SETD9: variants seen among roughly 807,000 people sequenced by gnomAD.
The protein encoded by SETD9 is SET domain-containing protein 9.
A neutral mutation model predicts 36.4 loss-of-function variants in SETD9; 37 were observed. That is an observed-to-expected ratio of 1.02 (90% CI 0.78 to 1.34). The LOEUF (loss-of-function observed/expected upper bound fraction) is 1.34, where lower values mean the gene tolerates loss of function less well. SETD9 is among the 40% of genes most tolerant of loss of function. The probability of loss-of-function intolerance (pLI) is 0.00; values close to 1 mark genes in which losing one functional copy is unlikely to be tolerated. For synonymous variants in SETD9, 128 were observed against 132.9 expected, an observed-to-expected ratio of 0.96 and a Z score of 0.26; for missense variants, 323 against 353.2, an observed-to-expected ratio of 0.91 and a Z score of 0.69.
At chr5:56,923,068 C>A in intron 5 of SETD9, 1 of 1,457,436 alleles carries the variant, frequency 6.9e-7, no homozygotes, top group Non-Finnish European at 9.5e-7. Flanking sequence ...CTATGCAAAC[C>A]TGATAGCTCC....
chr5:56,922,773 GC>G, intron 5 of SETD9: 5 of 233,642 alleles, frequency 2.1e-5, no homozygotes, highest in Admixed American at 1.0e-4. Flanking sequence ...TGAGCTGGTG[GC>G]CTCTGTCTAC....
At chr5:56,910,552 G>A (rs1749066612) in intron 1 of SETD9, 6 of 445,564 alleles carry the variant, frequency 1.3e-5, no homozygotes, top group South Asian at 1.1e-4. Flanking sequence ...GAGATCAGTT[G>A]TATCATGACT....
chr5:56,912,113 C>T, intron 2 of SETD9: 1 of 884,942 alleles, frequency 1.1e-6, no homozygotes, highest in Non-Finnish European at 1.4e-6. Context: ...CGAGATTGTG[C>T]CATTGCGCTC....
At chr5:56,913,170 G>C (rs1171635320) in intron 3 of SETD9, 36 bp downstream of exon 3, 4 of 1,608,176 alleles carry the variant, frequency 2.5e-6, no homozygotes, top group Admixed American at 1.7e-5. Flanking sequence ...AATTATAGGA[G>C]ACAGAACCGC....
At chr5:56,926,912 C>T (rs6882657), downstream of SETD9, among the ~76,000 whole-genome samples, 15,657 of 152,014 alleles carry the variant, frequency 0.1, 842 homozygotes, top group East Asian at 0.14. Flanking sequence ...TATCAAGCCT[C>T]AAAACAAACA....
rs1185909797 is a variant in SETD9 at position 56,913,786 on chromosome 5, AAAT to A, written c.591-87_591-85del. ...GTCTTTTTTTTTTTTTTTTAAGAAA[AAAT>A]GCACTGGTGTAATTCTAGGGTTTTG... On this transcript the variant is annotated intron_variant, in intron 3 of 5. Coordinates refer to ENST00000285947, the MANE Select transcript of SETD9 (RefSeq NM_153706.4). 4.1e-6 allele frequency: 3 copies of A among 731,568 alleles called. No homozygotes were observed. The East Asian group carries it at 8.1e-5, about 20-fold the overall frequency. 45.3% of individuals were successfully genotyped at this position (731,568 alleles called of 1,614,324 possible).
rs766636546 is a variant in SETD9, at chr5:56,911,234, CA to C, written c.165del (p.Leu56TyrfsTer2). ...KVISDEDVLG[T>X]LLKVFQALFL... is the part of the protein sequence containing the mutation. ...ATCTCAGATGAAGATGTCCTAGGAA[CA>C]TTACTGAAAGTTTTCCAGGCTCTAT... On this transcript the variant is annotated frameshift_variant, in exon 2 of 6. Transcript: ENST00000285947. LOFTEE classifies it high-confidence loss of function. 9 of 1,603,228 alleles carry C rather than the reference CA, an allele frequency of 5.6e-6. No individual in the cohort carries two copies. The African/African-American group carries it at 1.2e-4, about 22-fold the overall frequency.
chr5:56,918,493 A>G (rs1287473390), downstream of SETD9, among the ~76,000 whole-genome samples: 2 of 152,240 alleles, frequency 1.3e-5, no homozygotes, highest in Non-Finnish European at 2.9e-5. Flanking sequence ...AATGACTTCT[A>G]GTAACAGATG....
At chr5:56,912,738 C>T (rs1749210600) in intron 2 of SETD9, among the ~76,000 whole-genome samples, 1 of 151,992 alleles carries the variant, frequency 6.6e-6, no homozygotes, top group Non-Finnish European at 1.5e-5. Flanking sequence ...TATATATATA[C>T]ACATATACAT....
At chr5:56,917,809 T>A (rs982062484), downstream of SETD9, among the ~76,000 whole-genome samples, 3 of 152,214 alleles carry the variant, frequency 2.0e-5, no homozygotes, top group Admixed American at 6.5e-5. Flanking sequence ...ACCTTCCCGT[T>A]TTATTAGCAA....
At chr5:56,927,116 AAC>A (rs1472114684), downstream of SETD9, among the ~76,000 whole-genome samples, 3 of 149,372 alleles carry the variant, frequency 2.0e-5, no homozygotes, top group Non-Finnish European at 4.5e-5. Context: ...GGAAGAATAA[AAC>A]ATGAGATTTT....
intron 1 of SETD9, 117 bp downstream of exon 1, chr5:56,909,860 C>A: frequency 4.4e-6 from 2 of 456,594 alleles, no homozygotes. Flanking sequence ...GATGGGCGGG[C>A]CCGGGTGGGC....
At chr5:56,923,320 G>A (rs141090261) in intron 5 of SETD9, 12 of 1,614,144 alleles carry the variant, frequency 7.4e-6, no homozygotes, top group South Asian at 3.3e-5. Context: ...ATTCAGGGAC[G>A]GCAATGCCCA....
downstream of SETD9, among the ~76,000 whole-genome samples, chr5:56,927,452 C>CA (rs1160536356): frequency 6.6e-6 from 1 of 152,080 alleles, no homozygotes; most frequent in African/African-American, 2.4e-5. Context: ...CTGAGCTACC[C>CA]ACCAAAATGC....
At chr5:56,928,655 C>A, downstream of SETD9, 1 of 433,204 alleles carries the variant, frequency 2.3e-6, no homozygotes, top group South Asian at 3.2e-5. Flanking sequence ...ATCTGAAATG[C>A]TATAAGGGAA....
chr5:56,916,970 T>G lies in SETD9; in HGVS notation c.*68T>G. 1 of 1,495,650 alleles carries G rather than the reference T, an allele frequency of 6.7e-7. No homozygotes were observed. Among genetic ancestry groups the G allele is most frequent in the South Asian group, 1.4e-5 (1 of 69,668 alleles). The allele number at this position is 1,495,650 out of a possible 1,614,324, so 92.6% of individuals were successfully genotyped here. ...ATTCTAAGTGTTTTTTGTTAATCAC[T>G]TCTCTGAGTTCTACCTGTAAAACAA... On this transcript the variant is annotated 3_prime_UTR_variant, in exon 6 of 6. Transcript: ENST00000285947.
At chr5:56,910,062 G>A in intron 1 of SETD9, 3 of 1,285,504 alleles carry the variant, frequency 2.3e-6, no homozygotes, top group Non-Finnish European at 3.0e-6. Flanking sequence ...CCGGGCCCGC[G>A]AGGCCGAGCT....
Position 56,911,554 on chromosome 5 carries a change from A to T in SETD9, c.466+18A>T, listed in dbSNP as rs376914686. On this transcript the variant is annotated intron_variant, in intron 2 of 5. Coordinates refer to ENST00000285947, the MANE Select transcript of SETD9 (RefSeq NM_153706.4). ...GTATCCTGGTAACAGCACGATTAAT[A>T]TTATACTTTGCCAAGCTTCTTACGT... 2.7e-6 allele frequency: 4 copies of T among 1,506,780 alleles called. No homozygotes were observed. 93.3% of individuals were successfully genotyped at this position (1,506,780 alleles called of 1,614,324 possible).
At chr5:56,914,283 A>G (rs1395823806) in intron 4 of SETD9, among the ~76,000 whole-genome samples, 1 of 152,202 alleles carries the variant, frequency 6.6e-6, no homozygotes, top group Non-Finnish European at 1.5e-5. Flanking sequence ...AGAAATTATT[A>G]TGTCAGTGCT....
Sources: allele counts gnomAD v4.1 joint callset (sites outside exome capture counted in the v4.1 genomes callset), GRCh38; gene constraint gnomAD v4.1.1; transcripts MANE v1.5; gene names NCBI Gene and HGNC (gene_info 2026-07-23, HGNC 2026-07-21).